Variants in EXOC6B observed in about 807,000 individuals in gnomAD.
EXOC6B encodes exocyst complex component 6B, also known as SEC15 homolog B.
A neutral mutation model predicts 113.5 loss-of-function variants in EXOC6B; 54 were observed. The observed-to-expected ratio is 0.48, with a 90% CI of 0.38 to 0.60. EXOC6B has a LOEUF of 0.60. EXOC6B is among the 20% of genes least tolerant of loss of function. The probability of loss-of-function intolerance (pLI) is 0.00; values close to 1 mark genes in which losing one functional copy is unlikely to be tolerated. For missense variants in EXOC6B, 797 were observed against 977.5 expected (o/e 0.82, Z 2.46); for synonymous variants, 357 against 339.0 (o/e 1.05, Z -0.58).
At chr2:72,291,279 A>G (rs1685770611) in intron 20 of EXOC6B, among the ~76,000 whole-genome samples, 1 of 152,112 alleles carries the variant, frequency 6.6e-6, no homozygotes, top group Non-Finnish European at 1.5e-5. Context: ...ATGATGAGTC[A>G]TTTTCTTAGC....
intron 20 of EXOC6B, among the ~76,000 whole-genome samples, chr2:72,220,555 C>T (rs1306355448): frequency 6.6e-6 from 1 of 152,146 alleles, no homozygotes; most frequent in Non-Finnish European, 1.5e-5. Flanking sequence ...AAAAAGTGAT[C>T]TAGGCTTGTA....
At chr2:72,642,433 A>T (rs564080650) in intron 6 of EXOC6B, among the ~76,000 whole-genome samples, 1 of 144,892 alleles carries the variant, frequency 6.9e-6, no homozygotes, top group South Asian at 2.3e-4. Flanking sequence ...TCAATGGAAC[A>T]GAACAGAGCC....
chr2:72,730,780 T>A (rs1247837972), intron 5 of EXOC6B, among the ~76,000 whole-genome samples: 1 of 152,078 alleles, frequency 6.6e-6, no homozygotes, highest in African/African-American at 2.4e-5. Context: ...CTGGGTCTTT[T>A]AAAAATCTAA....
At position 72,286,549 on chromosome 2, in the gene EXOC6B, C is replaced by T. The variant is rs149348348; in HGVS notation, c.2196+48398G>A. Among the ~76,000 whole-genome samples the T allele has an allele frequency of 5.5e-3, 830 of 152,138 alleles. 7 individuals are homozygous for T. The highest frequency in any genetic ancestry group is 0.019 in the African/African-American group (768 of 41,482). ...GGATTTTAGGGCATCAAAATTACTA[C>T]GTATGATACTATAATGATGGATACT... On this transcript the variant is annotated intron_variant, in intron 20 of 21. Transcript: ENST00000272427.
chr2:72,579,490 G>A (rs1462874546), intron 6 of EXOC6B, among the ~76,000 whole-genome samples: 1 of 152,104 alleles, frequency 6.6e-6, no homozygotes, highest in Non-Finnish European at 1.5e-5. Flanking sequence ...ATGAGATTTG[G>A]CCCAATAAAA....
chr2:72,182,975 C>T (rs866328883), intron 21 of EXOC6B: 22 of 1,127,736 alleles, frequency 2.0e-5, no homozygotes, highest in South Asian at 9.0e-5. Flanking sequence ...CAATCTCTGA[C>T]GTGGTCAGGA....
chr2:72,241,102 A>C (rs1682284120), intron 20 of EXOC6B, among the ~76,000 whole-genome samples: 1 of 152,238 alleles, frequency 6.6e-6, no homozygotes, highest in South Asian at 2.1e-4. Flanking sequence ...TGTGATTAAT[A>C]TGCTAAGGGT....
At chr2:72,575,700 C>A (rs1331024680) in intron 6 of EXOC6B, 32 bp from the exon 7 acceptor site, 4 of 1,475,148 alleles carry the variant, frequency 2.7e-6, no homozygotes, top group Admixed American at 2.5e-5. Context: ...ACAAACACAC[C>A]AAAAAGGTGG....
intron 19 of EXOC6B, among the ~76,000 whole-genome samples, chr2:72,338,036 A>G (rs1040932634): frequency 6.6e-6 from 1 of 152,188 alleles, no homozygotes; most frequent in Non-Finnish European, 1.5e-5. Context: ...TTAGGAATTC[A>G]TGAGCTCCCT....
chr2:72,672,347 A>G (rs1247605451), intron 6 of EXOC6B, among the ~76,000 whole-genome samples: 2 of 151,942 alleles, frequency 1.3e-5, no homozygotes, highest in Non-Finnish European at 2.9e-5. Flanking sequence ...AAGCCGGTAT[A>G]TGGCCAGGTG....
At chr2:72,761,105 A>G (rs1682715553) in intron 1 of EXOC6B, among the ~76,000 whole-genome samples, 2 of 152,094 alleles carry the variant, frequency 1.3e-5, no homozygotes, top group South Asian at 4.1e-4. Flanking sequence ...ACTTGAACCC[A>G]GGAGGAGGAG....
chr2:72,313,859 G>A (rs954267549), intron 20 of EXOC6B, among the ~76,000 whole-genome samples: 1 of 152,192 alleles, frequency 6.6e-6, no homozygotes, highest in African/African-American at 2.4e-5. Context: ...GCCAGTCATA[G>A]ATTTAGCAAT....
chr2:72,491,288 ATTTT>A (rs562621193), intron 16 of EXOC6B, among the ~76,000 whole-genome samples: 1 of 149,854 alleles, frequency 6.7e-6, no homozygotes, highest in East Asian at 1.9e-4. Flanking sequence ...GTCCCATCTT[ATTTT>A]TTTTTTATCT....
In EXOC6B at chr2:72,226,815, C is replaced by G. The variant is rs150495080; in HGVS notation, c.2197-42628G>C. 3.4e-3 allele frequency among the ~76,000 whole-genome samples: 515 copies of G among 152,254 alleles called. 6 individuals carry two copies. The highest frequency in any genetic ancestry group is 0.011 in the African/African-American group (473 of 41,556). Reference sequence around the variant, plus strand: ...CATCAGTGAATTGGTTTTCAAGGTACAGTATGTGAACAGCCAAGTGGTGAT... The same window carrying G: ...CATCAGTGAATTGGTTTTCAAGGTAGAGTATGTGAACAGCCAAGTGGTGAT... On this transcript the variant is annotated intron_variant, in intron 20 of 21. Coordinates refer to ENST00000272427, the MANE Select transcript of EXOC6B (RefSeq NM_015189.3).
At chr2:72,401,566 CATATATATATATATACATATAT>C (rs1693236843) in intron 18 of EXOC6B, among the ~76,000 whole-genome samples, 7 of 14,880 alleles carry the variant, frequency 4.7e-4, no homozygotes, top group East Asian at 1.3e-3. Flanking sequence ...TATATATATA[CATATATATATATATACATATAT>C]ATATATATAT....
At chr2:72,658,832 A>G (rs1674798721) in intron 6 of EXOC6B, among the ~76,000 whole-genome samples, 2 of 152,238 alleles carry the variant, frequency 1.3e-5, no homozygotes, top group South Asian at 4.1e-4. Context: ...AATCCTCTGC[A>G]TTCTCTTAAA....
intron 20 of EXOC6B, among the ~76,000 whole-genome samples, chr2:72,281,592 A>G (rs954567738): frequency 4.6e-5 from 7 of 152,244 alleles, no homozygotes; most frequent in African/African-American, 1.7e-4. Context: ...TCTAGACAGA[A>G]GCAAAATCTA....
intron 20 of EXOC6B, among the ~76,000 whole-genome samples, chr2:72,207,487 A>T (rs1158339745): frequency 6.6e-6 from 1 of 152,234 alleles, no homozygotes; most frequent in Non-Finnish European, 1.5e-5. Flanking sequence ...GAAATAGTTA[A>T]TTCACGCAAA....
chr2:72,365,388 C>T (rs1051192083), intron 19 of EXOC6B, among the ~76,000 whole-genome samples: 10 of 152,064 alleles, frequency 6.6e-5, no homozygotes, highest in East Asian at 1.9e-4. Flanking sequence ...TCTGAAAGAA[C>T]GGTTTTAGAT....
Sources: gnomAD v4.1 joint callset for allele counts (sites outside exome capture counted in the v4.1 genomes callset) on GRCh38, gnomAD v4.1.1 for gene constraint, MANE v1.5 for transcripts, NCBI Gene and HGNC (gene_info 2026-07-23, HGNC 2026-07-21) for gene names.